The following RALYL variants were observed in gnomAD, a reference collection of about 807,000 sequenced individuals.
The protein encoded by RALYL is RNA-binding Raly-like protein.
A neutral mutation model predicts 35.1 loss-of-function variants in RALYL; 29 were observed. The observed-to-expected ratio is 0.83, with a 90% CI of 0.61 to 1.13. RALYL has a LOEUF of 1.13. Among genes scored for constraint, RALYL ranks in the 50% most tolerant of loss-of-function variants. The pLI, the probability that RALYL is intolerant of heterozygous loss-of-function variation, is 0.00. For synonymous variants in RALYL, 120 were observed against 127.6 expected (o/e 0.94, Z 0.40); for missense variants, 359 against 360.4 (o/e 1.00, Z 0.03).
chr8:84,464,214 A>G (rs1052531418), intron 1 of RALYL, among the ~76,000 whole-genome samples: 1 of 151,206 alleles, frequency 6.6e-6, no homozygotes, highest in East Asian at 1.9e-4. Context: ...ATATGTATAC[A>G]TGTGCCATGC....
intron 1 of RALYL, among the ~76,000 whole-genome samples, chr8:84,416,931 T>C (rs1160448253): frequency 2.0e-5 from 3 of 152,144 alleles, no homozygotes; most frequent in South Asian, 2.1e-4. Context: ...TGTCTTGGTA[T>C]AGGGAAAATA....
At chr8:84,836,547 T>C (rs1832062905) in intron 4 of RALYL, among the ~76,000 whole-genome samples, 1 of 152,378 alleles carries the variant, frequency 6.6e-6, no homozygotes, top group Non-Finnish European at 1.5e-5. Context: ...TTGAATTTTG[T>C]ATATATGTGT....
At chr8:84,592,949 T>A (rs1410759238) in intron 2 of RALYL, among the ~76,000 whole-genome samples, 1 of 152,152 alleles carries the variant, frequency 6.6e-6, no homozygotes, top group Non-Finnish European at 1.5e-5. Flanking sequence ...ATCAAATCAC[T>A]AAGACAGGCT....
intron 1 of RALYL, among the ~76,000 whole-genome samples, chr8:84,415,787 A>G (rs998896351): frequency 6.6e-5 from 10 of 152,190 alleles, no homozygotes; most frequent in Non-Finnish European, 1.2e-4. Flanking sequence ...GTATATGTGT[A>G]TATTTATGTA....
intron 7 of RALYL, among the ~76,000 whole-genome samples, chr8:84,882,505 A>C (rs1193795047): frequency 6.6e-6 from 1 of 152,038 alleles, no homozygotes; most frequent in Non-Finnish European, 1.5e-5. Context: ...TCTTGGATTT[A>C]TATTTTTGTT....
At chr8:84,559,886 G>A (rs1028754537) in intron 2 of RALYL, among the ~76,000 whole-genome samples, 1 of 151,784 alleles carries the variant, frequency 6.6e-6, no homozygotes, top group African/African-American at 2.4e-5. Context: ...GGAGACACTG[G>A]GCTGGGTTAT....
intron 2 of RALYL, among the ~76,000 whole-genome samples, chr8:84,691,202 T>A (rs1026324597): frequency 1.3e-5 from 2 of 152,026 alleles, no homozygotes; most frequent in African/African-American, 4.8e-5. Flanking sequence ...TAACTTTATA[T>A]GGGATCTAGA....
At position 84,693,327 on chromosome 8, in the gene RALYL, G is replaced by A. The variant is rs1838456264; in HGVS notation, c.257-81252G>A. On this transcript the variant is annotated intron_variant, in intron 2 of 8. Coordinates refer to ENST00000521268, the MANE Select transcript of RALYL (RefSeq NM_173848.7). Reference sequence around the variant, plus strand: ...CAAAACTTACAATCATGCAGAAGGGGAAGCAAACACGTCCTTCTTCACATG... The same window carrying A: ...CAAAACTTACAATCATGCAGAAGGGAAAGCAAACACGTCCTTCTTCACATG... 6.6e-5 allele frequency among the ~76,000 whole-genome samples: 10 copies of A among 151,870 alleles called. No individual in the cohort carries two copies. The South Asian group carries it at 2.1e-3, about 32-fold the overall frequency.
intron 1 of RALYL, among the ~76,000 whole-genome samples, chr8:84,319,247 C>T (rs191630153): frequency 6.6e-6 from 1 of 152,150 alleles, no homozygotes; most frequent in Admixed American, 6.5e-5. Context: ...AATTATTGTA[C>T]TTATTCATAA....
At chr8:84,712,112 A>G (rs773941576) in intron 2 of RALYL, among the ~76,000 whole-genome samples, 13 of 152,238 alleles carry the variant, frequency 8.5e-5, no homozygotes, top group Non-Finnish European at 1.9e-4. Flanking sequence ...GCTTGTAGGG[A>G]ATTCTGGTAT....
At chr8:84,717,689 C>T (rs1268895596) in intron 2 of RALYL, among the ~76,000 whole-genome samples, 2 of 152,032 alleles carry the variant, frequency 1.3e-5, no homozygotes, top group Non-Finnish European at 2.9e-5. Context: ...CATTTTGGGT[C>T]CAGGATAATT....
At chr8:84,534,288 C>T (rs1230154450) in intron 2 of RALYL, among the ~76,000 whole-genome samples, 5 of 152,226 alleles carry the variant, frequency 3.3e-5, no homozygotes. Context: ...CACCCTACTT[C>T]CCCACTTAAT....
chr8:84,685,336 A>T (rs1254114054), intron 2 of RALYL, among the ~76,000 whole-genome samples: 1 of 151,918 alleles, frequency 6.6e-6, no homozygotes, highest in African/African-American at 2.4e-5. Context: ...TAACCCATCA[A>T]CTCTATGCCA....
rs189638620 is a variant in RALYL, at chr8:84,667,301, A to G, written c.257-107278A>G. 1.8e-3 allele frequency among the ~76,000 whole-genome samples: 268 copies of G among 152,186 alleles called. 1 individual carries two copies. Among genetic ancestry groups the G allele is most frequent in the African/African-American group, 5.9e-3 (247 of 41,536 alleles). On this transcript the variant is annotated intron_variant, in intron 2 of 8. Transcript: ENST00000521268. ...TCAGTAATGTTGAGTACTTCCATCAAGAGACCCATGCTACCTGTTTTAAGT... is the reference window on the plus strand; with the variant it reads ...TCAGTAATGTTGAGTACTTCCATCAGGAGACCCATGCTACCTGTTTTAAGT...
chr8:84,417,655 A>G (rs182583956), intron 1 of RALYL, among the ~76,000 whole-genome samples: 2 of 152,130 alleles, frequency 1.3e-5, no homozygotes, highest in Admixed American at 1.3e-4. Flanking sequence ...GTCTTCAGAT[A>G]TCAACAGTGT....
intron 2 of RALYL, among the ~76,000 whole-genome samples, chr8:84,661,627 ATTTTATTTAT>A (rs920961946): frequency 7.2e-5 from 10 of 139,858 alleles, no homozygotes; most frequent in African/African-American, 2.1e-4. Context: ...TATTTTATTT[ATTTTATTTAT>A]TTTTTTTATT....
At chr8:84,206,716 T>C (rs376843111) in intron 1 of RALYL, among the ~76,000 whole-genome samples, 1 of 152,116 alleles carries the variant, frequency 6.6e-6, no homozygotes, top group African/African-American at 2.4e-5. Flanking sequence ...TAAGGAATTG[T>C]GGGCAGCAAA....
intron 4 of RALYL, among the ~76,000 whole-genome samples, chr8:84,848,808 T>G (rs2134761512): frequency 6.6e-6 from 1 of 152,322 alleles, no homozygotes; most frequent in African/African-American, 2.4e-5. Context: ...ATGTATGTTT[T>G]GCCACAATAA....
At chr8:84,267,293 A>T (rs932617291) in intron 1 of RALYL, among the ~76,000 whole-genome samples, 1 of 152,168 alleles carries the variant, frequency 6.6e-6, no homozygotes, top group Admixed American at 6.5e-5. Flanking sequence ...AATATTAAAC[A>T]TTTTGATCCC....
Sources: gnomAD v4.1 joint callset for allele counts (sites outside exome capture counted in the v4.1 genomes callset) on GRCh38, gnomAD v4.1.1 for gene constraint, MANE v1.5 for transcripts, NCBI Gene and HGNC (gene_info 2026-07-23, HGNC 2026-07-21) for gene names.